Variants in CSMD1 observed in about 807,000 individuals in gnomAD.
The protein encoded by CSMD1 is CUB and sushi domain-containing protein 1.
In CSMD1, 213 loss-of-function variants were observed where a neutral mutation model predicts 417.5. The ratio of observed to expected loss-of-function variants is 0.51; its 90% CI spans 0.46 to 0.57. CSMD1 has a LOEUF of 0.57. CSMD1 is among the 20% of genes least tolerant of loss of function. The probability of loss-of-function intolerance (pLI) is 0.00; values close to 1 mark genes in which losing one functional copy is unlikely to be tolerated. For synonymous variants in CSMD1, 2,862 were observed against 1,736.8 expected, an observed-to-expected ratio of 1.65 and a Z score of -16.11; for missense variants, 6,923 against 4,529.7, an observed-to-expected ratio of 1.53 and a Z score of -15.17.
chr8:3,003,691 T>G (rs1807619267), intron 52 of CSMD1, among the ~76,000 whole-genome samples: 1 of 152,108 alleles, frequency 6.6e-6, no homozygotes, highest in African/African-American at 2.4e-5. Flanking sequence ...AGCTGTCACG[T>G]GCAGAGTCCT....
chr8:3,842,180 T>C (rs916006218), intron 5 of CSMD1, among the ~76,000 whole-genome samples: 48 of 152,320 alleles, frequency 3.2e-4, no homozygotes, highest in African/African-American at 1.1e-3. Flanking sequence ...CTCGTTTTCC[T>C]AGCATCATTG....
chr8:4,430,827 G>T (rs967270862), intron 2 of CSMD1, among the ~76,000 whole-genome samples: 7 of 152,086 alleles, frequency 4.6e-5, no homozygotes, highest in African/African-American at 1.4e-4. Context: ...AATTGTCACT[G>T]CAAATACTTC....
chr8:3,381,950 T>C (rs1478942945), intron 18 of CSMD1, among the ~76,000 whole-genome samples: 4 of 152,114 alleles, frequency 2.6e-5, no homozygotes, highest in Non-Finnish European at 2.9e-5. Context: ...TTACCTCTTA[T>C]TTTTTCCTTT....
At chr8:3,094,087 T>A (rs1015209929) in intron 47 of CSMD1, among the ~76,000 whole-genome samples, 7 of 150,980 alleles carry the variant, frequency 4.6e-5, no homozygotes, top group Admixed American at 6.6e-5. Flanking sequence ...TTTAGGGTTT[T>A]TTTTATTTTA....
At position 4,932,764 on chromosome 8, in the gene CSMD1, C is replaced by A. The variant is rs191611215; in HGVS notation, c.85+61568G>T. Among the ~76,000 whole-genome samples the A allele has an allele frequency of 2.6e-4, 40 of 152,300 alleles. No homozygotes were observed. The East Asian group carries it at 3.1e-3, about 12-fold the overall frequency. On this transcript the variant is annotated intron_variant, in intron 1 of 69. Coordinates refer to ENST00000635120, the MANE Select transcript of CSMD1 (RefSeq NM_033225.6). ...ATCCTTAAAATAATCCAAGCTTACA[C>A]TGACTTAAAGGTAAATTTTTAAATA...
At chr8:4,067,389 G>A (rs1043157676) in intron 3 of CSMD1, among the ~76,000 whole-genome samples, 7 of 152,174 alleles carry the variant, frequency 4.6e-5, no homozygotes, top group African/African-American at 1.7e-4. Context: ...GATTTTGGTA[G>A]AAAAACAGTA....
intron 3 of CSMD1, among the ~76,000 whole-genome samples, chr8:4,319,384 C>T (rs907872788): frequency 2.0e-5 from 3 of 151,808 alleles, no homozygotes; most frequent in African/African-American, 7.3e-5. Flanking sequence ...AAATACTGAG[C>T]CTCTGGGGCC....
Position 4,146,593 on chromosome 8 carries a change from C to CTTTTTTTTTTTTTTTTTTTTT in CSMD1, c.416-114495_416-114494insAAAAAAAAAAAAAAAAAAAAA, listed in dbSNP as rs1208930261. Among the ~76,000 whole-genome samples, 29 of 90,758 alleles carry CTTTTTTTTTTTTTTTTTTTTT rather than the reference C, an allele frequency of 3.2e-4. 12 individuals are homozygous for CTTTTTTTTTTTTTTTTTTTTT. The highest frequency in any genetic ancestry group is 5.9e-4 in the Admixed American group (4 of 6,792). The allele number at this position is 90,758 out of a possible 152,430, so 59.5% of individuals were successfully genotyped here. A position where few individuals can be genotyped will look rare whatever the true frequency, so the allele number is the denominator to read the frequency against. Reference sequence around the variant, plus strand: ...ATCTGTCTAAATGTTTATATGGACACATTTTTTTTTTTTTTTTTTTTTTTT... The same window carrying CTTTTTTTTTTTTTTTTTTTTT: ...ATCTGTCTAAATGTTTATATGGACACTTTTTTTTTTTTTTTTTTTTTATTTTTTTTTTTTTTTTTTTTTTTT... On this transcript the variant is annotated intron_variant, in intron 3 of 69. Transcript: ENST00000635120.
intron 1 of CSMD1, among the ~76,000 whole-genome samples, chr8:4,873,667 T>C (rs957448783): frequency 2.6e-5 from 4 of 152,120 alleles, no homozygotes; most frequent in African/African-American, 9.7e-5. Context: ...ATCCATTCAG[T>C]AAACACTTAT....
At chr8:3,254,938 A>C (rs1800541519) in intron 26 of CSMD1, among the ~76,000 whole-genome samples, 1 of 151,962 alleles carries the variant, frequency 6.6e-6, no homozygotes, top group South Asian at 2.1e-4. Context: ...TTGGAGGAGG[A>C]GAGGTGCTCT....
At chr8:3,877,005 T>G (rs1043229408) in intron 5 of CSMD1, among the ~76,000 whole-genome samples, 8 of 152,244 alleles carry the variant, frequency 5.3e-5, no homozygotes, top group Non-Finnish European at 1.0e-4. Context: ...TAACATACTT[T>G]CATATGAAAT....
chr8:4,795,630 C>A (rs1426942412), intron 1 of CSMD1, among the ~76,000 whole-genome samples: 2 of 152,008 alleles, frequency 1.3e-5, no homozygotes, highest in African/African-American at 4.8e-5. Context: ...ACACTTGTTC[C>A]TCAGAAAGGA....
chr8:3,468,831 G>T lies in CSMD1; in HGVS notation c.1449-7C>A, dbSNP rs1376596407. ...AACACTGGATCCCGTGAGCCTGCAA[G>T]AAAGAGAAATGTCAAAGCTTTTAGG... On this transcript the variant is annotated splice_region_variant and splice_polypyrimidine_tract_variant and intron_variant, in intron 11 of 69. Transcript: ENST00000635120. 6.4e-7 allele frequency: 1 copy of T among 1,570,506 alleles called. No individual in the cohort carries two copies. Among genetic ancestry groups the T allele is most frequent in the East Asian group, 2.3e-5 (1 of 43,590 alleles).
At chr8:3,627,012 A>T (rs1796524902) in intron 7 of CSMD1, among the ~76,000 whole-genome samples, 2 of 152,114 alleles carry the variant, frequency 1.3e-5, no homozygotes, top group Admixed American at 1.3e-4. Flanking sequence ...AATAAGTTCA[A>T]GTATTTCCTC....
chr8:3,450,008 G>C (rs1815583586), intron 12 of CSMD1, among the ~76,000 whole-genome samples: 2 of 152,218 alleles, frequency 1.3e-5, no homozygotes, highest in Non-Finnish European at 2.9e-5. Flanking sequence ...AGGGTCACCA[G>C]CTCCTCCTCA....
chr8:4,709,729 G>A (rs1808172485), intron 1 of CSMD1, among the ~76,000 whole-genome samples: 1 of 152,176 alleles, frequency 6.6e-6, no homozygotes, highest in Non-Finnish European at 1.5e-5. Context: ...ATAGCAGGAA[G>A]GCTGGGTGCA....
intron 3 of CSMD1, among the ~76,000 whole-genome samples, chr8:4,071,606 GC>G (rs1799562055): frequency 6.6e-6 from 1 of 151,956 alleles, no homozygotes; most frequent in Admixed American, 6.6e-5. Context: ...AGTTTTGGGG[GC>G]CTTTTAGTTT....
At chr8:4,312,396 T>TATATATATATATATATAC (rs1159507543) in intron 3 of CSMD1, among the ~76,000 whole-genome samples, 8 of 99,048 alleles carry the variant, frequency 8.1e-5, no homozygotes, top group African/African-American at 6.2e-4. Flanking sequence ...TATATATACA[T>TATATATATATATATATAC]ACATATATAT....
At chr8:4,321,959 G>A (rs934756687) in intron 3 of CSMD1, among the ~76,000 whole-genome samples, 1 of 151,822 alleles carries the variant, frequency 6.6e-6, no homozygotes, top group Non-Finnish European at 1.5e-5. Flanking sequence ...TTATCACTAT[G>A]AAATTACCAG....
Sources: gnomAD v4.1 joint callset for allele counts (sites outside exome capture counted in the v4.1 genomes callset) on GRCh38, gnomAD v4.1.1 for gene constraint, MANE v1.5 for transcripts, NCBI Gene and HGNC (gene_info 2026-07-23, HGNC 2026-07-21) for gene names.